Variants in MICAL2 observed in about 807,000 individuals in gnomAD.
MICAL2 encodes [F-actin]-monooxygenase MICAL2.
In MICAL2, 77 loss-of-function variants were observed where a neutral mutation model predicts 127.3. The observed-to-expected ratio is 0.60, with a 90% CI of 0.50 to 0.73. MICAL2 has a LOEUF of 0.73. MICAL2 is among the 30% of genes least tolerant of loss of function. The pLI, the probability that MICAL2 is intolerant of heterozygous loss-of-function variation, is 0.00. For missense variants in MICAL2, 1,351 were observed against 1,434.4 expected (o/e 0.94, Z 0.94); for synonymous variants, 570 against 551.1 (o/e 1.03, Z -0.48).
At chr11:12,279,667 TC>T (rs1027215957) in intron 1 of MICAL2, among the ~76,000 whole-genome samples, 1 of 152,098 alleles carries the variant, frequency 6.6e-6, no homozygotes, top group African/African-American at 2.4e-5. Flanking sequence ...AAACAGCCCC[TC>T]TCCCTTCCTG....
chr11:12,309,587 A>G (rs1864149144), intron 29 of MICAL2, among the ~76,000 whole-genome samples: 1 of 152,066 alleles, frequency 6.6e-6, no homozygotes, highest in Non-Finnish European at 1.5e-5. Flanking sequence ...CTGTTTATGG[A>G]CACTTAGGCT....
intron 3 of MICAL2, among the ~76,000 whole-genome samples, chr11:12,183,928 CACT>C (rs779046815): frequency 6.6e-6 from 1 of 152,124 alleles, no homozygotes; most frequent in Non-Finnish European, 1.5e-5. Context: ...CACCGGTGTG[CACT>C]ACTATGTTTG....
chr11:12,307,283 T>C (rs1864122886), intron 29 of MICAL2, among the ~76,000 whole-genome samples: 1 of 152,256 alleles, frequency 6.6e-6, no homozygotes, highest in Admixed American at 6.5e-5. Context: ...ATTTTTAAAT[T>C]GTGTTGTTTC....
intron 3 of MICAL2, among the ~76,000 whole-genome samples, chr11:12,199,432 GCA>G (rs1361513528): frequency 6.6e-6 from 1 of 152,148 alleles, no homozygotes; most frequent in African/African-American, 2.4e-5. Context: ...TGCAGTGTCT[GCA>G]CACACAGCTC....
intron 9 of MICAL2, 68 bp from the exon 10 acceptor site, chr11:12,221,575 TG>T: frequency 1.8e-6 from 2 of 1,123,740 alleles, no homozygotes; most frequent in Non-Finnish European, 2.7e-6. Context: ...CAGTGTGTGC[TG>T]GGTCCAATGA....
intron 8 of MICAL2, among the ~76,000 whole-genome samples, chr11:12,219,153 T>C (rs1357661550): frequency 6.6e-6 from 1 of 152,204 alleles, no homozygotes; most frequent in East Asian, 1.9e-4. Flanking sequence ...CCAAAGCCTG[T>C]GTTCATGTTA....
At position 12,344,992 on chromosome 11, in the gene MICAL2, G is replaced by A. The variant is rs1938931124; in HGVS notation, c.5516-4846G>A. On this transcript the variant is annotated intron_variant, in intron 32 of 34. Coordinates refer to the MICAL2 transcript ENST00000646065. ...GCTGGTGTTGTGGTGGGCGCCTGTA[G>A]TCCCAGCTACTCGGGAGGCTGAGGC... is the stretch of plus-strand genomic sequence containing the variant. Among the ~76,000 whole-genome samples, 2 of 151,574 alleles carry A rather than the reference G, an allele frequency of 1.3e-5. 1 individual carries two copies. Among genetic ancestry groups the A allele is most frequent in the Admixed American group, 1.3e-4 (2 of 15,230 alleles).
chr11:12,207,160 C>T (rs759605677), intron 4 of MICAL2, among the ~76,000 whole-genome samples: 3 of 152,130 alleles, frequency 2.0e-5, no homozygotes, highest in Non-Finnish European at 4.4e-5. Context: ...GGTCCCTCCT[C>T]TCTTGGCTTC....
chr11:12,319,585 G>T (rs1864268721), intron 29 of MICAL2: 2 of 766,186 alleles, frequency 2.6e-6, no homozygotes, highest in East Asian at 5.2e-5. Flanking sequence ...GTGAGGGGAG[G>T]GCAGGGAGGA....
chr11:12,214,757 C>A (rs1415830239), intron 7 of MICAL2, among the ~76,000 whole-genome samples: 1 of 152,172 alleles, frequency 6.6e-6, no homozygotes. Flanking sequence ...ATGGCTGCTT[C>A]CACCATGAGA....
intron 2 of MICAL2, chr11:12,281,136 T>C: frequency 5.1e-6 from 2 of 391,884 alleles, no homozygotes; most frequent in East Asian, 3.7e-5. Flanking sequence ...TTCTGGGAAG[T>C]GGGGAGGGAA....
chr11:12,283,176 A>AC (rs1205723548), intron 2 of MICAL2, among the ~76,000 whole-genome samples: 1 of 152,046 alleles, frequency 6.6e-6, no homozygotes, highest in Non-Finnish European at 1.5e-5. Flanking sequence ...GGTTATGGTA[A>AC]CCCCATCACT....
chr11:12,139,598 C>G (rs1381998546), intron 2 of MICAL2, among the ~76,000 whole-genome samples: 2 of 152,152 alleles, frequency 1.3e-5, no homozygotes, highest in Non-Finnish European at 2.9e-5. Context: ...TCCTGAATGG[C>G]AGGATGACAA....
intron 15 of MICAL2, among the ~76,000 whole-genome samples, chr11:12,228,291 T>A (rs1857739836): frequency 6.6e-6 from 1 of 151,868 alleles, no homozygotes; most frequent in Non-Finnish European, 1.5e-5. Flanking sequence ...GATTGCACCA[T>A]TGCACTCCAG....
chr11:12,241,579 G>A, intron 18 of MICAL2, among the ~76,000 whole-genome samples: 1 of 152,246 alleles, frequency 6.6e-6, no homozygotes, highest in East Asian at 1.9e-4. Context: ...GCTGGGATGT[G>A]GCGAAGGCCT....
At chr11:12,249,962 G>C (rs996628196) in intron 22 of MICAL2, 6 of 152,306 alleles carry the variant, frequency 3.9e-5, no homozygotes, top group African/African-American at 1.2e-4. Context: ...GGGCCAGCTC[G>C]GTGCAGTGTG....
chr11:12,131,763 T>G (rs2133557402), intron 1 of MICAL2, among the ~76,000 whole-genome samples: 1 of 152,310 alleles, frequency 6.6e-6, no homozygotes, highest in African/African-American at 2.4e-5. Context: ...CTGTTTTTTA[T>G]GAGCTGTGTG....
chr11:12,136,000 C>A (rs1851802852), intron 1 of MICAL2, among the ~76,000 whole-genome samples: 2 of 152,252 alleles, frequency 1.3e-5, no homozygotes, highest in South Asian at 4.2e-4. Context: ...CCTGGAGGCT[C>A]CAGGCCCTGT....
intron 2 of MICAL2, among the ~76,000 whole-genome samples, chr11:12,159,265 T>C (rs557198121): frequency 6.6e-6 from 1 of 152,334 alleles, no homozygotes; most frequent in Admixed American, 6.5e-5. Flanking sequence ...GGAGACAGCT[T>C]CTTCCAGTTT....
Sources: gnomAD v4.1 joint callset for allele counts (sites outside exome capture counted in the v4.1 genomes callset) on GRCh38, gnomAD v4.1.1 for gene constraint, MANE v1.5 for transcripts, NCBI Gene and HGNC (gene_info 2026-07-23, HGNC 2026-07-21) for gene names.